ELP1: variants seen among roughly 807,000 people sequenced by gnomAD.
ELP1 encodes elongator complex protein 1.
ELP1 carries 131 observed loss-of-function variants against 183.2 expected under a neutral mutation model. The observed-to-expected ratio is 0.72, with a 90% CI of 0.62 to 0.83. The LOEUF (loss-of-function observed/expected upper bound fraction) is 0.83, where lower values mean the gene tolerates loss of function less well. ELP1 is among the 40% of genes least tolerant of loss of function. ELP1 has a pLI of 0.00. For synonymous variants in ELP1, 555 were observed against 569.0 expected, an observed-to-expected ratio of 0.98 and a Z score of 0.35; for missense variants, 1,550 against 1,594.9, an observed-to-expected ratio of 0.97 and a Z score of 0.48.
At chr9:108,921,664 C>T (rs1456221976) in intron 6 of ELP1, among the ~76,000 whole-genome samples, 1 of 151,938 alleles carries the variant, frequency 6.6e-6, no homozygotes, top group Non-Finnish European at 1.5e-5. Context: ...AGTGGATCAC[C>T]CCCAAAGAAG....
chr9:108,868,410 G>A lies in ELP1; in HGVS notation c.*705C>T, dbSNP rs1827314926. On this transcript the variant is annotated 3_prime_UTR_variant, in exon 37 of 37. Coordinates refer to ENST00000374647, the MANE Select transcript of ELP1 (RefSeq NM_003640.5). ...CAGAGAATAATTCACAACCATGCAT[G>A]CCATACAATGCACACTGATCACTCA... 7.5e-6 allele frequency: 2 copies of A among 268,390 alleles called. No homozygotes were observed. The highest frequency in any genetic ancestry group is 3.4e-4 in the South Asian group (2 of 5,840). The allele number at this position is 268,390 out of a possible 1,614,324, so 16.6% of individuals were successfully genotyped here.
At chr9:108,892,289 A>G (rs551786279) in intron 27 of ELP1, among the ~76,000 whole-genome samples, 1 of 152,320 alleles carries the variant, frequency 6.6e-6, no homozygotes, top group South Asian at 2.1e-4. Flanking sequence ...TGACAGAGGA[A>G]TCACACGATG....
At chr9:108,915,032 G>C (rs1829380379) in intron 10 of ELP1, among the ~76,000 whole-genome samples, 1 of 151,998 alleles carries the variant, frequency 6.6e-6, no homozygotes, top group Admixed American at 6.6e-5. Flanking sequence ...ATTACGAAGT[G>C]GTAGAACTAT....
chr9:108,905,855 G>A (rs1432938625), intron 14 of ELP1, among the ~76,000 whole-genome samples: 2 of 129,748 alleles, frequency 1.5e-5, no homozygotes, highest in East Asian at 4.4e-4. Flanking sequence ...TCTAAACATA[G>A]AAAAGGTATG....
intron 29 of ELP1, among the ~76,000 whole-genome samples, chr9:108,887,329 A>G (rs1438500233): frequency 6.6e-6 from 1 of 152,222 alleles, no homozygotes; most frequent in Non-Finnish European, 1.5e-5. Context: ...TAACACTTCT[A>G]TTCAACACCA....
At chr9:108,899,123 C>A (rs144635248) in intron 20 of ELP1, among the ~76,000 whole-genome samples, 1 of 150,542 alleles carries the variant, frequency 6.6e-6, no homozygotes, top group African/African-American at 2.4e-5. Context: ...ATGGTGAAAC[C>A]CTGTCTCTAC....
intron 36 of ELP1, among the ~76,000 whole-genome samples, chr9:108,872,409 A>G (rs1472104799): frequency 6.6e-6 from 1 of 152,234 alleles, no homozygotes; most frequent in African/African-American, 2.4e-5. Context: ...CCATAAAGAT[A>G]TAAGAATATC....
chr9:108,915,587 CA>C (rs2132023848), intron 10 of ELP1, among the ~76,000 whole-genome samples: 1 of 152,260 alleles, frequency 6.6e-6, no homozygotes, highest in South Asian at 2.1e-4. Flanking sequence ...CCACAAATTT[CA>C]AACTTGCCAT....
chr9:108,869,238 T>A (rs1827346418), intron 36 of ELP1, 56 bp from the exon 37 acceptor site: 1 of 1,455,118 alleles, frequency 6.9e-7, no homozygotes, highest in Non-Finnish European at 9.7e-7. Context: ...TGGAGGGCGC[T>A]GAGGCAGTAA....
At chr9:108,903,470 T>A (rs1272622983) in intron 15 of ELP1, 93 bp downstream of exon 15, 3 of 908,120 alleles carry the variant, frequency 3.3e-6, no homozygotes, top group African/African-American at 1.6e-5. Flanking sequence ...GACCTGACAA[T>A]CAATATTGAA....
rs1456745710 is a variant in ELP1, at chr9:108,906,413, T to G, written c.1533A>C (p.Glu511Asp). ...LKLGLLTWIE[E>D]DVFLAVSHSE... ...TGTGGCTTACAGCCAGGAAGACGTC[T>G]TCTTCAATCCAAGTGAGAAGGCCTA... Residue 511 changes from glutamate to aspartate, a missense_variant, in exon 14 of 37, where the codon GAA (glutamate) becomes GAC (aspartate). By Grantham distance (45) the Glu-to-Asp change is conservative. Transcript: ENST00000374647. 1 of 1,614,132 alleles carries G rather than the reference T, an allele frequency of 6.2e-7. No homozygotes were observed. The highest frequency in any genetic ancestry group is 8.5e-7 in the Non-Finnish European group (1 of 1,179,960).
At chr9:108,933,785 A>C (rs2275638) in intron 1 of ELP1, 79 bp downstream of exon 1, 7,550 of 153,008 alleles carry the variant, frequency 0.049, 298 homozygotes, top group South Asian at 0.11. Context: ...CAGGCAGAGG[A>C]GGCTCCGGGT....
chr9:108,910,842 A>AC (rs945822782), intron 12 of ELP1, among the ~76,000 whole-genome samples, 168 bp downstream of exon 12: 15 of 151,686 alleles, frequency 9.9e-5, no homozygotes, highest in Admixed American at 3.3e-4. Flanking sequence ...AAAAAAAAAA[A>AC]AACAAAAACC....
intron 10 of ELP1, among the ~76,000 whole-genome samples, chr9:108,915,211 T>C (rs1232744668): frequency 3.3e-5 from 5 of 152,238 alleles, no homozygotes; most frequent in Admixed American, 3.3e-4. Context: ...TCTGTGGTAA[T>C]ACCATGCACT....
rs574398342 is a variant in ELP1 at position 108,919,229 on chromosome 9, T to C, written c.649+24A>G. On this transcript the variant is annotated intron_variant, in intron 7 of 36. Transcript: ENST00000374647. ...ATAAGATAAAAATTTTTTATTGTTG[T>C]TTAACTGCAATATATTTCCATACCT... 11 of 1,538,804 alleles carry C rather than the reference T, an allele frequency of 7.1e-6. No individual in the cohort carries two copies. In the South Asian group the frequency reaches 1.2e-4, roughly 17 times the overall value.
Position 108,897,130 on chromosome 9 carries a change from T to C in ELP1, c.2501+18A>G, listed in dbSNP as rs1436470440. The stretch of plus-strand genomic sequence containing the variant: ...CTTCGGTTTTTCAAAGGATGCCACC[T>C]GGTGACAGCATACATACTTATGAGG... On this transcript the variant is annotated intron_variant, in intron 23 of 36. Transcript: ENST00000374647. The C allele has an allele frequency of 6.2e-7, 1 of 1,614,204 alleles. No homozygotes were observed. The highest frequency in any genetic ancestry group is 2.2e-5 in the East Asian group (1 of 44,884).
Position 108,897,295 on chromosome 9 carries a change from G to C in ELP1, c.2364-10C>G, listed in dbSNP as rs760459979. 4.3e-6 allele frequency: 7 copies of C among 1,613,908 alleles called. No homozygotes were observed. The highest frequency in any genetic ancestry group is 5.1e-6 in the Non-Finnish European group (6 of 1,180,002). On this transcript the variant is annotated splice_polypyrimidine_tract_variant and intron_variant, in intron 22 of 36. Coordinates refer to ENST00000374647, the MANE Select transcript of ELP1 (RefSeq NM_003640.5). The stretch of plus-strand genomic sequence containing the variant: ...CGTGACATCTTCTTCTCTAAGAACA[G>C]GTGTGTATGGAATGGTCATCAACAG...
intron 3 of ELP1, among the ~76,000 whole-genome samples, chr9:108,929,493 G>A (rs1037174691): frequency 6.6e-6 from 1 of 152,194 alleles, no homozygotes; most frequent in Non-Finnish European, 1.5e-5. Flanking sequence ...CACCACATAA[G>A]AATAGCCAGT....
chr9:108,890,889 C>G (rs1024657894), intron 28 of ELP1, among the ~76,000 whole-genome samples: 1 of 152,218 alleles, frequency 6.6e-6, no homozygotes, highest in African/African-American at 2.4e-5. Flanking sequence ...TCTCCCCACT[C>G]TCCTTCCTTC....
Sources: allele counts gnomAD v4.1 joint callset (sites outside exome capture counted in the v4.1 genomes callset), GRCh38; gene constraint gnomAD v4.1.1; transcripts MANE v1.5; gene names NCBI Gene and HGNC (gene_info 2026-07-23, HGNC 2026-07-21).